The following ANKRD30BL variants were observed in gnomAD, a reference collection of about 807,000 sequenced individuals.
ANKRD30BL encodes ankyrin repeat domain 30B like.
ANKRD30BL carries 20 observed loss-of-function variants against 18.4 expected under a neutral mutation model. That is an observed-to-expected ratio of 1.09 (90% CI 0.77 to 1.58). The LOEUF (loss-of-function observed/expected upper bound fraction) is 1.58, where lower values mean the gene tolerates loss of function less well. ANKRD30BL is among the 40% of genes most tolerant of loss of function. The pLI, the probability that ANKRD30BL is intolerant of heterozygous loss-of-function variation, is 0.00. For missense variants in ANKRD30BL, 224 were observed against 268.6 expected (o/e 0.83, Z 1.16); for synonymous variants, 72 against 100.9 (o/e 0.71, Z 1.72).
At chr2:132,155,401 T>TA (rs1043967181) in intron 3 of ANKRD30BL, 1 of 152,228 alleles carries the variant, frequency 6.6e-6, no homozygotes, top group African/African-American at 2.4e-5. Flanking sequence ...CTCTGGCTGA[T>TA]ACAAACTCAC....
chr2:132,181,198 G>C (rs1366482414), intron 1 of ANKRD30BL, among the ~76,000 whole-genome samples: 1 of 151,984 alleles, frequency 6.6e-6, no homozygotes, highest in Non-Finnish European at 1.5e-5. Flanking sequence ...ATGGGGCCGG[G>C]CATGGTGGCT....
At chr2:132,200,501 C>A (rs1158980910) in intron 1 of ANKRD30BL, among the ~76,000 whole-genome samples, 3 of 152,046 alleles carry the variant, frequency 2.0e-5, no homozygotes, top group Admixed American at 2.0e-4. Context: ...ACACCAACAA[C>A]AAACAAACAG....
At position 132,236,673 on chromosome 2, in the gene ANKRD30BL, G is replaced by C. The variant is rs541949985; in HGVS notation, n.441+20856C>G. 1.6e-3 allele frequency among the ~76,000 whole-genome samples: 241 copies of C among 152,264 alleles called. 1 individual carries two copies. The highest frequency in any genetic ancestry group is 5.4e-3 in the African/African-American group (226 of 41,548). ...GAAATAGGAACCCTTTTACACTGTT[G>C]GTGGGACTGTAAACTAGTTCAACCA... On this transcript the variant is annotated intron_variant and non_coding_transcript_variant, in intron 1 of 4. Transcript: ENST00000470729.
Position 132,161,785 on chromosome 2 carries a change from T to C in ANKRD30BL, c.-80A>G. 4 of 704,724 alleles carry C rather than the reference T, an allele frequency of 5.7e-6. No homozygotes were observed. Among genetic ancestry groups the C allele is most frequent in the Non-Finnish European group, 7.4e-6 (3 of 403,444 alleles). The allele number at this position is 704,724 out of a possible 1,614,324, so 43.7% of individuals were successfully genotyped here. ...AGTCCCCGCCGCTCGCCCTCGCCCT[T>C]CTTCAGTCCCTGCATCCGCCCTGAC... On this transcript the variant is annotated 5_prime_UTR_variant, in exon 1 of 6. Coordinates refer to ENST00000409867, the MANE Select transcript of ANKRD30BL (RefSeq NM_001358416.1).
At chr2:132,218,465 A>G (rs1283917302) in intron 1 of ANKRD30BL, among the ~76,000 whole-genome samples, 1 of 152,124 alleles carries the variant, frequency 6.6e-6, no homozygotes, top group Non-Finnish European at 1.5e-5. Context: ...ATATCTTTAT[A>G]TAAAAACCAG....
At chr2:132,163,355 T>C (rs1688122843), upstream of ANKRD30BL, among the ~76,000 whole-genome samples, 1 of 151,992 alleles carries the variant, frequency 6.6e-6, no homozygotes, top group African/African-American at 2.4e-5. Flanking sequence ...GGAGATTGAT[T>C]GTGGCAGGAT....
intron 1 of ANKRD30BL, among the ~76,000 whole-genome samples, chr2:132,205,325 C>G (rs1679189295): frequency 6.6e-6 from 1 of 151,436 alleles, no homozygotes; most frequent in Admixed American, 6.6e-5. Flanking sequence ...AAAAAGAAAG[C>G]ATGGGCTGGG....
intron 1 of ANKRD30BL, among the ~76,000 whole-genome samples, chr2:132,159,717 G>A (rs1688005662): frequency 1.3e-5 from 2 of 152,030 alleles, no homozygotes; most frequent in Admixed American, 1.3e-4. Flanking sequence ...CAAGTATGCT[G>A]CCTTTTATTT....
chr2:132,245,529 A>C (rs552990250), intron 1 of ANKRD30BL, among the ~76,000 whole-genome samples: 1 of 152,378 alleles, frequency 6.6e-6, no homozygotes, highest in East Asian at 1.9e-4. Flanking sequence ...TCCTTTTCAT[A>C]GAGCAGTTTT....
At chr2:132,239,108 T>C (rs1680241259) in intron 1 of ANKRD30BL, among the ~76,000 whole-genome samples, 1 of 152,102 alleles carries the variant, frequency 6.6e-6, no homozygotes, top group African/African-American at 2.4e-5. Context: ...CTTTAGCGCC[T>C]GTGGTAAAAA....
At chr2:132,240,165 G>A (rs958208987) in intron 1 of ANKRD30BL, among the ~76,000 whole-genome samples, 2 of 151,762 alleles carry the variant, frequency 1.3e-5, no homozygotes, top group African/African-American at 4.8e-5. Context: ...ATAAAAACTA[G>A]ATAGAAGCAT....
chr2:132,200,466 G>A (rs1212878319), intron 1 of ANKRD30BL, among the ~76,000 whole-genome samples: 2 of 152,028 alleles, frequency 1.3e-5, no homozygotes, highest in Non-Finnish European at 2.9e-5. Flanking sequence ...CAAAATCAAT[G>A]TACAAAAATC....
intron 1 of ANKRD30BL, among the ~76,000 whole-genome samples, chr2:132,221,976 C>T (rs1172783086): frequency 1.5e-5 from 2 of 137,018 alleles, no homozygotes; most frequent in African/African-American, 5.9e-5. Context: ...GGCGCCTCTG[C>T]CTGGCCGCCC....
At chr2:132,220,433 G>C (rs1679643673) in intron 1 of ANKRD30BL, among the ~76,000 whole-genome samples, 1 of 151,630 alleles carries the variant, frequency 6.6e-6, no homozygotes, top group South Asian at 2.1e-4. Context: ...GGACTGTACT[G>C]CTGCGATCTC....
intron 1 of ANKRD30BL, among the ~76,000 whole-genome samples, chr2:132,183,783 G>GTA (rs1455278553): frequency 1.3e-5 from 2 of 152,034 alleles, no homozygotes; most frequent in Admixed American, 6.6e-5. Context: ...GCATATATTT[G>GTA]TATATATATG....
intron 1 of ANKRD30BL, among the ~76,000 whole-genome samples, chr2:132,235,214 A>T (rs979905320): frequency 3.0e-4 from 45 of 152,320 alleles, no homozygotes; most frequent in Non-Finnish European, 6.0e-4. Context: ...ATCTATGACA[A>T]ACCCACAGCC....
exon 1 of ANKRD30BL, chr2:132,257,953 C>T (rs1490357276): frequency 2.0e-5 from 3 of 152,848 alleles, no homozygotes; most frequent in Non-Finnish European, 2.9e-5. Context: ...GGCGGCCGGC[C>T]GGCGCACGCG....
At chr2:132,187,188 G>GTTTTTTTTTTTTTTTTT (rs1193358076) in intron 1 of ANKRD30BL, among the ~76,000 whole-genome samples, 70 of 90,604 alleles carry the variant, frequency 7.7e-4, no homozygotes, top group East Asian at 1.4e-3. Flanking sequence ...TTTTTTGTTT[G>GTTTTTTTTTTTTTTTTT]TTTTTTTTTT....
chr2:132,207,923 A>G (rs531570092), intron 1 of ANKRD30BL, among the ~76,000 whole-genome samples: 1 of 152,274 alleles, frequency 6.6e-6, no homozygotes, highest in Non-Finnish European at 1.5e-5. Flanking sequence ...CAACGGGGTC[A>G]CCCTTATTCA....
Sources: gnomAD v4.1 joint callset for allele counts (sites outside exome capture counted in the v4.1 genomes callset) on GRCh38, gnomAD v4.1.1 for gene constraint, MANE v1.5 for transcripts, NCBI Gene and HGNC (gene_info 2026-07-23, HGNC 2026-07-21) for gene names.